Variants in GLI2 observed in about 807,000 individuals in gnomAD.
The protein encoded by GLI2 is transcription activator GLI2.
In GLI2, 22 loss-of-function variants were observed where a neutral mutation model predicts 78.9. That is an observed-to-expected ratio of 0.28 (90% CI 0.20 to 0.40). The LOEUF is 0.40. GLI2 is among the 10% of genes least tolerant of loss of function. The probability of loss-of-function intolerance (pLI) is 1.00; values close to 1 mark genes in which losing one functional copy is unlikely to be tolerated. For synonymous variants in GLI2, 974 were observed against 963.7 expected (o/e 1.01, Z -0.20); for missense variants, 2,097 against 2,213.2 (o/e 0.95, Z 1.05).
intron 2 of GLI2, among the ~76,000 whole-genome samples, chr2:120,859,294 C>A (rs1250928209): frequency 6.6e-6 from 1 of 152,210 alleles, no homozygotes; most frequent in Non-Finnish European, 1.5e-5. Flanking sequence ...AAATGCAGAG[C>A]TTGCTCTGCT....
chr2:120,818,577 T>G (rs1685615664), intron 2 of GLI2, among the ~76,000 whole-genome samples: 1 of 152,174 alleles, frequency 6.6e-6, no homozygotes, highest in African/African-American at 2.4e-5. Context: ...CGTCTCTCCC[T>G]GCCCCTCCTC....
chr2:120,815,840 G>T (rs1384251233), intron 2 of GLI2, among the ~76,000 whole-genome samples: 1 of 152,182 alleles, frequency 6.6e-6, no homozygotes, highest in African/African-American at 2.4e-5. Flanking sequence ...GTCATTGTAG[G>T]TCAGTGGCAT....
chr2:120,766,519 C>T (rs1301922191), intron 1 of GLI2, among the ~76,000 whole-genome samples: 1 of 152,156 alleles, frequency 6.6e-6, no homozygotes, highest in Non-Finnish European at 1.5e-5. Flanking sequence ...GGGACCACAC[C>T]ATAGAAATGG....
intron 10 of GLI2, among the ~76,000 whole-genome samples, chr2:120,979,894 T>C (rs1463101899): frequency 6.6e-6 from 1 of 152,264 alleles, no homozygotes; most frequent in Admixed American, 6.5e-5. Context: ...ACTGAAATCA[T>C]ACAATATGTG....
chr2:120,777,726 G>A (rs2104666031), intron 1 of GLI2, among the ~76,000 whole-genome samples: 1 of 149,130 alleles, frequency 6.7e-6, no homozygotes, highest in East Asian at 2.0e-4. Context: ...GCCTAGTGTG[G>A]TCAGAGTGGG....
chr2:120,779,393 C>T (rs1226155487), intron 1 of GLI2, among the ~76,000 whole-genome samples: 1 of 152,182 alleles, frequency 6.6e-6, no homozygotes, highest in South Asian at 2.1e-4. Context: ...TCCTGCAGTT[C>T]GTTCCTGGCC....
chr2:120,820,568 C>T (rs1685720450), intron 2 of GLI2, among the ~76,000 whole-genome samples: 1 of 152,224 alleles, frequency 6.6e-6, no homozygotes, highest in African/African-American at 2.4e-5. Flanking sequence ...CCCAGGTAGG[C>T]TGGCTGTGGA....
At chr2:120,794,616 G>A (rs1684301059) in intron 1 of GLI2, among the ~76,000 whole-genome samples, 1 of 152,102 alleles carries the variant, frequency 6.6e-6, no homozygotes, top group Admixed American at 6.5e-5. Context: ...AAGTGATGGG[G>A]CTCACAGTCT....
At chr2:120,881,631 GACAGTGCAAGGAGGGCAGTT>G (rs1247849140) in intron 2 of GLI2, among the ~76,000 whole-genome samples, 7 of 87,312 alleles carry the variant, frequency 8.0e-5, no homozygotes, top group East Asian at 4.4e-4. Context: ...GGTGGGGGAG[GACAGTGCAAGGAGGGCAGTT>G]TGGGGGAGGA....
rs148372088 is a variant in GLI2 at position 120,947,473 on chromosome 2, G to A, written c.255-3770G>A. On this transcript the variant is annotated intron_variant, in intron 3 of 13. Coordinates refer to ENST00000361492, the MANE Select transcript of GLI2 (RefSeq NM_001374353.1). ...GTAAGAGCACGGCTGTGATCTCACT[G>A]GCCCTGTGCAAAAGAGACATCTCGG... Among the ~76,000 whole-genome samples the A allele has an allele frequency of 3.2e-4, 48 of 152,342 alleles. 1 individual carries two copies. Among genetic ancestry groups the A allele is most frequent in the Non-Finnish European group, 6.0e-4 (41 of 68,026 alleles).
At chr2:120,783,497 G>A (rs942733891) in intron 1 of GLI2, among the ~76,000 whole-genome samples, 3 of 151,900 alleles carry the variant, frequency 2.0e-5, no homozygotes, top group Non-Finnish European at 4.4e-5. Flanking sequence ...AAAAGGCCAC[G>A]GGAACAAAAG....
In GLI2 at chr2:120,808,310, G is replaced by A. The variant is rs564627059; in HGVS notation, c.148+10842G>A. Among the ~76,000 whole-genome samples, 21 of 152,294 alleles carry A rather than the reference G, an allele frequency of 1.4e-4. No homozygotes were observed. The South Asian group carries it at 2.3e-3, about 17-fold the overall frequency. ...GGGTGGGGAAGTCCCTGCCCCCGCC[G>A]AGTGCTGCAATCCCACCATTAGGTG... On this transcript the variant is annotated intron_variant, in intron 2 of 13. Coordinates refer to ENST00000361492, the MANE Select transcript of GLI2 (RefSeq NM_001374353.1).
Position 120,776,466 on chromosome 2 carries a change from T to G in GLI2, c.-30-20825T>G, listed in dbSNP as rs372023540. Among the ~76,000 whole-genome samples the G allele has an allele frequency of 1.5e-3, 223 of 152,286 alleles. 4 individuals are homozygous for G. Among genetic ancestry groups the G allele is most frequent in the Admixed American group, 0.015 (223 of 15,296 alleles). On this transcript the variant is annotated intron_variant, in intron 1 of 13. Coordinates refer to ENST00000361492, the MANE Select transcript of GLI2 (RefSeq NM_001374353.1). ...GCTGTGTAGATGCATATTTTTCTTC[T>G]GGGTTCCCAGTAGACTTCTAGCCCT... is the stretch of plus-strand genomic sequence containing the variant.
At chr2:120,873,431 T>G (rs1438869776) in intron 2 of GLI2, among the ~76,000 whole-genome samples, 1 of 152,228 alleles carries the variant, frequency 6.6e-6, no homozygotes, top group Non-Finnish European at 1.5e-5. Context: ...AAGATGGCAT[T>G]ACTTTTCAAT....
At chr2:120,944,652 T>C (rs948253416) in intron 3 of GLI2, among the ~76,000 whole-genome samples, 1 of 152,152 alleles carries the variant, frequency 6.6e-6, no homozygotes, top group Non-Finnish European at 1.5e-5. Context: ...GGGTGGACCA[T>C]TAGACATGTC....
rs779067602 is a variant in GLI2, at chr2:120,935,366, C to T, written c.254+7900C>T. The stretch of plus-strand genomic sequence containing the variant: ...GGAGCCCAGAAACCCTGGGTCCAGG[C>T]GATGTGTCGGGCAGCACATCCTTCC... On this transcript the variant is annotated intron_variant, in intron 3 of 13. Transcript: ENST00000361492. Among the ~76,000 whole-genome samples, 10 of 152,328 alleles carry T rather than the reference C, an allele frequency of 6.6e-5. 1 individual carries two copies. The East Asian group carries it at 7.7e-4, about 12-fold the overall frequency.
chr2:120,972,247 C>T (rs967470382), intron 8 of GLI2, among the ~76,000 whole-genome samples, 184 bp downstream of exon 8: 24 of 152,182 alleles, frequency 1.6e-4, no homozygotes, highest in African/African-American at 5.6e-4. Context: ...TTCCCAGCAC[C>T]CTGGACATAC....
chr2:120,934,503 C>T (rs537021206), intron 3 of GLI2, among the ~76,000 whole-genome samples: 2 of 152,334 alleles, frequency 1.3e-5, no homozygotes, highest in South Asian at 2.1e-4. Context: ...TTGGCAGTCA[C>T]GGCCCAAGGC....
At chr2:120,789,298 A>G (rs1486075093) in intron 1 of GLI2, among the ~76,000 whole-genome samples, 1 of 151,918 alleles carries the variant, frequency 6.6e-6, no homozygotes, top group Non-Finnish European at 1.5e-5. Flanking sequence ...TGCTGGGATT[A>G]CAGGTGTGAG....
Sources: allele counts gnomAD v4.1 joint callset (sites outside exome capture counted in the v4.1 genomes callset), GRCh38; gene constraint gnomAD v4.1.1; transcripts MANE v1.5; gene names NCBI Gene and HGNC (gene_info 2026-07-23, HGNC 2026-07-21).